Variants in SIX4 observed in about 807,000 individuals in gnomAD.
SIX4 encodes the protein SIX homeobox 4, also known as homeobox protein SIX4.
SIX4 carries 23 observed loss-of-function variants against 51.5 expected under a neutral mutation model. The observed-to-expected ratio is 0.45, with a 90% confidence interval of 0.32 to 0.63. The LOEUF is 0.63. SIX4 is among the 30% of genes least tolerant of loss of function. The pLI is 0.04. For missense variants in SIX4, 867 were observed against 984.0 expected, an observed-to-expected ratio of 0.88 and a Z score of 1.59; for synonymous variants, 413 against 417.3, an observed-to-expected ratio of 0.99 and a Z score of 0.13.
At position 60,724,333 on chromosome 14, in the gene SIX4, T is replaced by C; in HGVS notation, c.-259A>G. The C allele has an allele frequency of 6.8e-7, 1 of 1,467,034 alleles. No individual in the cohort carries two copies. Among genetic ancestry groups the C allele is most frequent in the East Asian group, 2.8e-5 (1 of 35,388 alleles). The allele number at this position is 1,467,034 out of a possible 1,614,324, so 90.9% of individuals were successfully genotyped here. A position where few individuals can be genotyped will look rare whatever the true frequency, so the allele number is the denominator to read the frequency against. On this transcript the variant is annotated 5_prime_UTR_variant, in exon 1 of 3. Transcript: ENST00000216513. ...CGTTCCCCCAACGTGACTCCTCCGG[T>C]TGCTGCATACTATATGGCAGTGGCG...
rs1414587067 is a variant in SIX4 at position 60,712,341 on chromosome 14, TTAGA to T, written c.*1062_*1065del. 6 of 152,648 alleles carry T rather than the reference TTAGA, an allele frequency of 3.9e-5. No homozygotes were observed. The highest frequency in any genetic ancestry group is 7.3e-5 in the Non-Finnish European group (5 of 68,034). The allele number at this position is 152,648 out of a possible 1,614,324, so 9.5% of individuals were successfully genotyped here. A position where few individuals can be genotyped will look rare whatever the true frequency, so the allele number is the denominator to read the frequency against. ...CAATTTTGTGGTGAAATTAACCCTGTTAGATAGTAGAAAAGAACCATCAGTGCTT... is the reference window on the plus strand; with the variant it reads ...CAATTTTGTGGTGAAATTAACCCTGTTAGTAGAAAAGAACCATCAGTGCTT... On this transcript the variant is annotated 3_prime_UTR_variant, in exon 3 of 3. Coordinates refer to ENST00000216513, the MANE Select transcript of SIX4 (RefSeq NM_017420.5).
In SIX4 at chr14:60,723,576, T is replaced by G; in HGVS notation, c.499A>C (p.Ser167Arg). The G allele has an allele frequency of 1.2e-6, 2 of 1,611,132 alleles. No individual in the cohort carries two copies. Among genetic ancestry groups the G allele is most frequent in the East Asian group, 4.5e-5 (2 of 44,750 alleles). Reference sequence around the variant, plus strand: ...TCGAAGCTGTGGCTCTCGAGGATGCTGTAGAGCTCGGGGTAGATGCCCTGG... The same window carrying G: ...TCGAAGCTGTGGCTCTCGAGGATGCGGTAGAGCTCGGGGTAGATGCCCTGG... ...FHQGIYPELY[S>R]ILESHSFESA... is the part of the protein sequence containing the mutation. Residue 167 changes from serine to arginine, a missense_variant, in exon 1 of 3, where the codon AGC becomes CGC. Ser to Arg is a moderately radical substitution (Grantham distance 110). Coordinates refer to ENST00000216513, the MANE Select transcript of SIX4 (RefSeq NM_017420.5).
At position 60,714,086 on chromosome 14, in the gene SIX4, G is replaced by A. The variant is rs536442725; in HGVS notation, c.1667C>T (p.Thr556Met). 1.2e-4 allele frequency: 191 copies of A among 1,614,062 alleles called. No homozygotes were observed. Among genetic ancestry groups the A allele is most frequent in the Non-Finnish European group, 1.5e-4 (179 of 1,180,016 alleles). The change falls in exon 3 of 3, where the codon ACG (threonine) becomes ATG (methionine). Residue 556 changes from threonine (T) to methionine (M), a missense_variant. By Grantham distance (81) the Thr-to-Met change is moderately conservative (BLOSUM62 -1). Coordinates refer to ENST00000216513, the MANE Select transcript of SIX4 (RefSeq NM_017420.5). ...SSLAPSAVVY[T>M]VPNTGQTIGS... ...TATAGTCTGGCCTGTATTAGGAACCGTGTATACCACTGCACTGGGAGCAAG... is the reference window on the plus strand; with the variant it reads ...TATAGTCTGGCCTGTATTAGGAACCATGTATACCACTGCACTGGGAGCAAG...
chr14:60,714,961 G>A (rs1895895397), intron 2 of SIX4, among the ~76,000 whole-genome samples: 1 of 12,308 alleles, frequency 8.1e-5, no homozygotes. Context: ...ACAGCACCCG[G>A]GCCCTTTCTT....
At chr14:60,715,973 T>G (rs1895913824) in intron 2 of SIX4, among the ~76,000 whole-genome samples, 2 of 151,856 alleles carry the variant, frequency 1.3e-5, no homozygotes, top group Non-Finnish European at 2.9e-5. Flanking sequence ...CCCAGGTGAT[T>G]CTCCTGCCTC....
At position 60,722,258 on chromosome 14, in the gene SIX4, C is replaced by T. The variant is rs1025825495; in HGVS notation, c.863+954G>A. 6.6e-6 allele frequency among the ~76,000 whole-genome samples: 1 copy of T among 152,146 alleles called. No individual in the cohort carries two copies. The highest frequency in any genetic ancestry group is 1.5e-5 in the Non-Finnish European group (1 of 68,028). On this transcript the variant is annotated intron_variant, in intron 1 of 2. Coordinates refer to ENST00000216513, the MANE Select transcript of SIX4 (RefSeq NM_017420.5). This position sits in a 1 kb window ranked among gnomAD's most constrained non-coding sequence, Gnocchi z 5.9. ...CAAGTGTCTGACTCGGGAGGACGCA[C>T]AAAAGAGGTGGAAAATCCGGTATTT...
rs1895939957 is a variant in SIX4, at chr14:60,717,530, C to G, written c.1549+2230G>C. ...AGAGCCATAAATAGCATAATACATG[C>G]AACATTTTCCCCAACTGCTACTGAA... On this transcript the variant is annotated intron_variant, in intron 2 of 2. Transcript: ENST00000216513. This position sits in a 1 kb window ranked among gnomAD's most constrained non-coding sequence, Gnocchi z 4.6. 6.6e-6 allele frequency among the ~76,000 whole-genome samples: 1 copy of G among 152,118 alleles called. No homozygotes were observed. The highest frequency in any genetic ancestry group is 2.1e-4 in the South Asian group (1 of 4,820).
chr14:60,716,952 C>T (rs1566738294), intron 2 of SIX4, among the ~76,000 whole-genome samples: 1 of 152,202 alleles, frequency 6.6e-6, no homozygotes, highest in African/African-American at 2.4e-5. Flanking sequence ...AAAAACATTT[C>T]TAAGTATGTT....
At chr14:60,716,558 T>A (rs546211791) in intron 2 of SIX4, among the ~76,000 whole-genome samples, 12 of 152,070 alleles carry the variant, frequency 7.9e-5, no homozygotes, top group East Asian at 3.9e-4. Context: ...GCCAATTTTT[T>A]AAAAATTTTT....
At position 60,712,064 on chromosome 14, in the gene SIX4, T is replaced by C. The variant is rs940768352; in HGVS notation, c.*1343A>G. On this transcript the variant is annotated 3_prime_UTR_variant, in exon 3 of 3. Transcript: ENST00000216513. ...GATAATATAGTGCAAACAACAGTCATGTGTCAGAGTGTAACAACTGATTCA... is the reference window on the plus strand; with the variant it reads ...GATAATATAGTGCAAACAACAGTCACGTGTCAGAGTGTAACAACTGATTCA... 1 of 152,648 alleles carries C rather than the reference T, an allele frequency of 6.6e-6. No homozygotes were observed. Among genetic ancestry groups the C allele is most frequent in the African/African-American group, 2.4e-5 (1 of 41,464 alleles). 9.5% of individuals were successfully genotyped at this position (152,648 alleles called of 1,614,324 possible).
At position 60,711,309 on chromosome 14, in the gene SIX4, C is replaced by T. The variant is rs11847871; in HGVS notation, c.*2098G>A. 6.6e-6 allele frequency: 1 copy of T among 152,020 alleles called. No homozygotes were observed. The highest frequency in any genetic ancestry group is 2.4e-5 in the African/African-American group (1 of 41,306). The allele number at this position is 152,020 out of a possible 1,614,324, so 9.4% of individuals were successfully genotyped here. Reference sequence around the variant, plus strand: ...GTTTAGGAACATTCACCAATTCTATCAAAAATGATGTAGTTCTTTATCAAA... The same window carrying T: ...GTTTAGGAACATTCACCAATTCTATTAAAAATGATGTAGTTCTTTATCAAA... On this transcript the variant is annotated 3_prime_UTR_variant, in exon 3 of 3. Coordinates refer to ENST00000216513, the MANE Select transcript of SIX4 (RefSeq NM_017420.5).
chr14:60,719,833 G>A lies in SIX4; in HGVS notation c.1476C>T (p.Asn492=). Residue 492 remains asparagine (N), a synonymous_variant, in exon 2 of 3, where the codon AAC becomes AAT. Coordinates refer to ENST00000216513, the MANE Select transcript of SIX4 (RefSeq NM_017420.5). The surrounding 1 kb of genome is among the most constrained non-coding windows in gnomAD (Gnocchi z 4.9). ...CAATGCTCCCATTAAGGAACTGGCT[G>A]TTTGCTCCGGAATTGGGGATCTGGA... The part of the protein sequence containing the change: ...GIVQIPNSGA[N]SQFLNGSIGF... 1 of 1,614,222 alleles carries A rather than the reference G, an allele frequency of 6.2e-7. No individual in the cohort carries two copies. The highest frequency in any genetic ancestry group is 1.7e-5 in the Admixed American group (1 of 60,030).
At position 60,709,907 on chromosome 14, in the gene SIX4, A is replaced by G. The variant is rs1001789779; in HGVS notation, c.*3500T>C. 2 of 152,688 alleles carry G rather than the reference A, an allele frequency of 1.3e-5. No homozygotes were observed. The highest frequency in any genetic ancestry group is 4.8e-5 in the African/African-American group (2 of 41,468). The allele number at this position is 152,688 out of a possible 1,614,324, so 9.5% of individuals were successfully genotyped here. A position where few individuals can be genotyped will look rare whatever the true frequency, so the allele number is the denominator to read the frequency against. On this transcript the variant is annotated 3_prime_UTR_variant, in exon 3 of 3. Coordinates refer to ENST00000216513, the MANE Select transcript of SIX4 (RefSeq NM_017420.5). This position sits in a 1 kb window ranked among gnomAD's most constrained non-coding sequence, Gnocchi z 4.1. ...CTGAAAGCCAAAAGAGTCACATGCT[A>G]TACAATTTTGATTAATAAAATGTAT...
At chr14:60,721,197 C>T in intron 1 of SIX4, 2 of 976,282 alleles carry the variant, frequency 2.0e-6, no homozygotes, top group Non-Finnish European at 2.4e-6. Context: ...AACTATTAGA[C>T]CTCTTCCCCA....
chr14:60,723,666 G>C lies in SIX4; in HGVS notation c.409C>G (p.Pro137Ala). 1.3e-6 allele frequency: 2 copies of C among 1,585,314 alleles called. No homozygotes were observed. Among genetic ancestry groups the C allele is most frequent in the Non-Finnish European group, 1.7e-6 (2 of 1,167,158 alleles). ...DRLARFLWSL[P>A]QSDLLRGNES... is the part of the protein sequence containing the mutation. ...TTGCCACGTAGCAGGTCGCTCTGGG[G>C]CAGGGACCACAGGAACCGGGCCAGG... Residue 137 changes from proline to alanine, a missense_variant, in exon 1 of 3, where the codon CCC (proline) becomes GCC (alanine). By Grantham distance (27) the Pro-to-Ala change is conservative. Coordinates refer to ENST00000216513, the MANE Select transcript of SIX4 (RefSeq NM_017420.5).
In SIX4 at chr14:60,714,085, C is replaced by T. The variant is rs140809686; in HGVS notation, c.1668G>A (p.Thr556=). ...CTATAGTCTGGCCTGTATTAGGAAC[C>T]GTGTATACCACTGCACTGGGAGCAA... ...SSLAPSAVVY[T]VPNTGQTIGS... Residue 556 remains threonine, a synonymous_variant, in exon 3 of 3, where the codon ACG becomes ACA. Coordinates refer to ENST00000216513, the MANE Select transcript of SIX4 (RefSeq NM_017420.5). The T allele has an allele frequency of 1.2e-4, 199 of 1,613,980 alleles. No individual in the cohort carries two copies. Among genetic ancestry groups the T allele is most frequent in the Non-Finnish European group, 1.6e-4 (194 of 1,180,040 alleles).
At position 60,723,106 on chromosome 14, in the gene SIX4, G is replaced by T. The variant is rs1439804314; in HGVS notation, c.863+106C>A. On this transcript the variant is annotated intron_variant, in intron 1 of 2. Coordinates refer to ENST00000216513, the MANE Select transcript of SIX4 (RefSeq NM_017420.5). ...GGGGAGAGGTGGGCAGCCGGACCAGGCTGGTGGGGAAGGTAAGCGCCATGT... is the reference window on the plus strand; with the variant it reads ...GGGGAGAGGTGGGCAGCCGGACCAGTCTGGTGGGGAAGGTAAGCGCCATGT... The T allele has an allele frequency of 2.8e-6, 4 of 1,435,246 alleles. No individual in the cohort carries two copies. In the East Asian group the frequency reaches 7.7e-5, roughly 28 times the overall value. 88.9% of individuals were successfully genotyped at this position (1,435,246 alleles called of 1,614,324 possible). A position where few individuals can be genotyped will look rare whatever the true frequency, so the allele number is the denominator to read the frequency against.
At chr14:60,715,021 T>G (rs1354173758) in intron 2 of SIX4, among the ~76,000 whole-genome samples, 2 of 151,914 alleles carry the variant, frequency 1.3e-5, no homozygotes, top group Admixed American at 1.3e-4. Flanking sequence ...GTGCGCATGT[T>G]TGTTACACGG....
rs1895839112 is a variant in SIX4, at chr14:60,712,367, G to T, written c.*1040C>A. ...TAGATAGTAGAAAAGAACCATCAGTGCTTCTGTTGACACTTCTGTACCTTA... is the reference window on the plus strand; with the variant it reads ...TAGATAGTAGAAAAGAACCATCAGTTCTTCTGTTGACACTTCTGTACCTTA... On this transcript the variant is annotated 3_prime_UTR_variant, in exon 3 of 3. Coordinates refer to ENST00000216513, the MANE Select transcript of SIX4 (RefSeq NM_017420.5). 1 of 152,516 alleles carries T rather than the reference G, an allele frequency of 6.6e-6. No individual in the cohort carries two copies. Among genetic ancestry groups the T allele is most frequent in the Admixed American group, 6.6e-5 (1 of 15,262 alleles). 9.4% of individuals were successfully genotyped at this position (152,516 alleles called of 1,614,324 possible).
Sources: allele counts gnomAD v4.1 joint callset (sites outside exome capture counted in the v4.1 genomes callset), GRCh38; gene constraint gnomAD v4.1.1; non-coding constraint Gnocchi (gnomAD v3.1); transcripts MANE v1.5; gene names NCBI Gene and HGNC (gene_info 2026-07-23, HGNC 2026-07-21).